The following ADGRL4 variants were observed in gnomAD, a reference collection of about 807,000 sequenced individuals.
The protein encoded by ADGRL4 is EGF, latrophilin and seven transmembrane domain containing 1.
A neutral mutation model predicts 74.8 loss-of-function variants in ADGRL4; 90 were observed. The observed-to-expected ratio is 1.20, with a 90% confidence interval of 1.02 to 1.43. The LOEUF (loss-of-function observed/expected upper bound fraction) is 1.43. Among genes scored for constraint, ADGRL4 ranks in the 40% most tolerant of loss-of-function variants. ADGRL4 has a pLI of 0.00. For missense variants in ADGRL4, 881 were observed against 814.3 expected (o/e 1.08, Z -1.00); for synonymous variants, 311 against 279.2 (o/e 1.11, Z -1.14).
chr1:78,938,046 T>C (rs1352653860), intron 5 of ADGRL4, 54 bp downstream of exon 5: 1 of 1,603,202 alleles, frequency 6.2e-7, no homozygotes, highest in African/African-American at 1.4e-5. Context: ...TATTCACAAA[T>C]GAAAGGAAAA....
At chr1:78,896,058 C>G (rs180833061) in intron 12 of ADGRL4, among the ~76,000 whole-genome samples, 14 of 152,136 alleles carry the variant, frequency 9.2e-5, no homozygotes, top group African/African-American at 3.4e-4. Flanking sequence ...GAACAGCAAT[C>G]ATTGAACCTA....
chr1:78,894,935 T>A (rs886680264), intron 12 of ADGRL4, among the ~76,000 whole-genome samples: 1 of 152,018 alleles, frequency 6.6e-6, no homozygotes, highest in African/African-American at 2.4e-5. Flanking sequence ...ATACTGCTAA[T>A]GGTTTCTCAG....
At position 79,000,702 on chromosome 1, in the gene ADGRL4, G is replaced by A. The variant is rs1414490236; in HGVS notation, c.172+4368C>T. 2.6e-5 allele frequency among the ~76,000 whole-genome samples: 4 copies of A among 152,224 alleles called. No individual in the cohort carries two copies. The East Asian group carries it at 7.7e-4, about 29-fold the overall frequency. ...TACAAAGAAAAGAATTTCTGAAATT[G>A]GCAAGATATTTTATTTATTTGAATG... On this transcript the variant is annotated intron_variant, in intron 2 of 14. Coordinates refer to ENST00000370742, the MANE Select transcript of ADGRL4 (RefSeq NM_022159.4).
intron 2 of ADGRL4, among the ~76,000 whole-genome samples, chr1:78,975,936 G>T (rs1256836891): frequency 1.3e-5 from 2 of 151,758 alleles, no homozygotes; most frequent in Non-Finnish European, 2.9e-5. Flanking sequence ...TACATGAAAG[G>T]GTGACTTTCA....
rs546942452 is a variant in ADGRL4 at position 78,984,601 on chromosome 1, A to G, written c.172+20469T>C. Among the ~76,000 whole-genome samples, 9 of 151,892 alleles carry G rather than the reference A, an allele frequency of 5.9e-5. 1 individual carries two copies. The highest frequency in any genetic ancestry group is 1.9e-4 in the African/African-American group (8 of 41,510). On this transcript the variant is annotated intron_variant, in intron 2 of 14. Transcript: ENST00000370742. ...TTTGACTTAAAAATAGTGTGTCGAA[A>G]CAAGTTTCCCAAGTGTAGGAGGAAC... is the stretch of plus-strand genomic sequence containing the variant.
chr1:78,928,584 C>T (rs1649166666), intron 7 of ADGRL4, among the ~76,000 whole-genome samples: 1 of 151,242 alleles, frequency 6.6e-6, no homozygotes, highest in Non-Finnish European at 1.5e-5. Flanking sequence ...AAGATCTTTC[C>T]TGTATTTGTT....
chr1:78,930,447 A>ATTTTTT (rs750792474), intron 7 of ADGRL4, among the ~76,000 whole-genome samples: 1 of 97,286 alleles, frequency 1.0e-5, no homozygotes, highest in Non-Finnish European at 1.9e-5. Context: ...GGAAAAGCTG[A>ATTTTTT]TTTTTTTTTT....
chr1:78,976,363 G>T (rs1029524538), intron 2 of ADGRL4, among the ~76,000 whole-genome samples: 1 of 151,836 alleles, frequency 6.6e-6, no homozygotes, highest in African/African-American at 2.4e-5. Flanking sequence ...TGGGTAGAAT[G>T]TTTAATAGAA....
chr1:78,960,326 C>T (rs1040389920), intron 2 of ADGRL4, among the ~76,000 whole-genome samples: 1 of 151,924 alleles, frequency 6.6e-6, no homozygotes, highest in African/African-American at 2.4e-5. Flanking sequence ...TTGTAAATAT[C>T]TAGTATCTAA....
At chr1:78,943,110 A>C (rs1649526440) in intron 3 of ADGRL4, among the ~76,000 whole-genome samples, 1 of 143,072 alleles carries the variant, frequency 7.0e-6, no homozygotes, top group Admixed American at 6.8e-5. Context: ...ACTGCCAAAG[A>C]AAGATAAAAT....
At chr1:78,949,158 A>G (rs1195310736) in intron 2 of ADGRL4, among the ~76,000 whole-genome samples, 1 of 152,064 alleles carries the variant, frequency 6.6e-6, no homozygotes, top group Non-Finnish European at 1.5e-5. Context: ...AATATAGAGA[A>G]AAAGAACACA....
chr1:78,891,741 C>T (rs1479559585), intron 13 of ADGRL4, 49 bp from the exon 14 acceptor site: 1 of 1,499,300 alleles, frequency 6.7e-7, no homozygotes, highest in Non-Finnish European at 9.0e-7. Flanking sequence ...GTATAGTCAA[C>T]ATATCTCCCA....
chr1:78,999,812 C>G (rs1257591134), intron 2 of ADGRL4, among the ~76,000 whole-genome samples: 3 of 147,554 alleles, frequency 2.0e-5, no homozygotes, highest in Admixed American at 6.8e-5. Context: ...ATCTATCTAT[C>G]TATCTATCTA....
At chr1:78,910,301 T>A (rs1020103064) in intron 12 of ADGRL4, among the ~76,000 whole-genome samples, 1 of 151,826 alleles carries the variant, frequency 6.6e-6, no homozygotes, top group African/African-American at 2.4e-5. Flanking sequence ...TTAATAAGTA[T>A]TTCCTGGTGA....
intron 2 of ADGRL4, among the ~76,000 whole-genome samples, chr1:78,946,927 A>C (rs17102494): frequency 0.12 from 18,497 of 152,254 alleles, 1,286 homozygotes; most frequent in East Asian, 0.33. Flanking sequence ...GCATTTATTT[A>C]CAACTATATG....
chr1:78,988,400 T>G (rs1019282038), intron 2 of ADGRL4, among the ~76,000 whole-genome samples: 2 of 151,828 alleles, frequency 1.3e-5, no homozygotes, highest in African/African-American at 4.8e-5. Context: ...CATATTTAGC[T>G]CTCTACTTTT....
chr1:78,944,070 G>T (rs2100693695), intron 3 of ADGRL4, among the ~76,000 whole-genome samples: 1 of 152,108 alleles, frequency 6.6e-6, no homozygotes, highest in South Asian at 2.1e-4. Flanking sequence ...AGTAATCTTT[G>T]TGTTTTTGTT....
intron 2 of ADGRL4, among the ~76,000 whole-genome samples, chr1:78,981,060 A>C (rs1360212434): frequency 6.6e-6 from 1 of 151,914 alleles, no homozygotes; most frequent in African/African-American, 2.4e-5. Context: ...TTTTCAAAAT[A>C]GTATTAATCT....
intron 2 of ADGRL4, among the ~76,000 whole-genome samples, chr1:78,998,541 T>G (rs967125987): frequency 4.6e-5 from 7 of 152,074 alleles, no homozygotes; most frequent in Non-Finnish European, 7.4e-5. Context: ...AGCTAATTTT[T>G]GTATTTTTAG....
Sources: gnomAD v4.1 joint callset for allele counts (sites outside exome capture counted in the v4.1 genomes callset) on GRCh38, gnomAD v4.1.1 for gene constraint, MANE v1.5 for transcripts, NCBI Gene and HGNC (gene_info 2026-07-23, HGNC 2026-07-21) for gene names.